CYLC2: variants seen among roughly 807,000 people sequenced by gnomAD.
CYLC2 encodes the protein cylicin 2.
In CYLC2, 30 loss-of-function variants were observed where a neutral mutation model predicts 26.1. That is an observed-to-expected ratio of 1.15 (90% CI 0.86 to 1.56). The LOEUF (loss-of-function observed/expected upper bound fraction) is 1.56, where lower values mean the gene tolerates loss of function less well. Ranked by LOEUF, CYLC2 falls within the 40% of genes most tolerant of loss-of-function variation. The probability of loss-of-function intolerance (pLI) is 0.00; values close to 1 mark genes in which losing one functional copy is unlikely to be tolerated. For missense variants in CYLC2, 498 were observed against 394.4 expected (o/e 1.26, Z -2.23); for synonymous variants, 158 against 132.8 (o/e 1.19, Z -1.31).
intron 6 of CYLC2, among the ~76,000 whole-genome samples, chr9:103,013,925 T>G (rs1829453161): frequency 1.1e-5 from 1 of 93,318 alleles, no homozygotes; most frequent in African/African-American, 4.0e-5. Flanking sequence ...ACATTATATA[T>G]CATATCTATT....
At position 102,998,339 on chromosome 9, in the gene CYLC2, CATATAA is replaced by C. The variant is rs144614972; in HGVS notation, c.17+2948_17+2953del. ...AAAATTGTGAAAATACATTTACATT[CATATAA>C]ATATATCTCAAAATAAAAATAAGGG... On this transcript the variant is annotated intron_variant, in intron 1 of 7. Transcript: ENST00000374798. Among the ~76,000 whole-genome samples the C allele has an allele frequency of 6.0e-3, 911 of 151,944 alleles. 8 individuals are homozygous for C. The highest frequency in any genetic ancestry group is 0.018 in the African/African-American group (726 of 41,458).
intron 6 of CYLC2, among the ~76,000 whole-genome samples, chr9:103,016,033 A>T (rs558587575): frequency 6.6e-6 from 1 of 151,434 alleles, no homozygotes; most frequent in East Asian, 1.9e-4. Context: ...GGATTTTGAT[A>T]GATAATTGGT....
intron 6 of CYLC2, among the ~76,000 whole-genome samples, chr9:103,015,688 C>T (rs1829497595): frequency 6.7e-6 from 1 of 148,740 alleles, no homozygotes; most frequent in Non-Finnish European, 1.5e-5. Context: ...TCGTTTTTGT[C>T]TATGACTAAT....
intron 5 of CYLC2, among the ~76,000 whole-genome samples, chr9:103,006,904 A>G (rs1190868413): frequency 6.6e-6 from 1 of 152,124 alleles, no homozygotes; most frequent in Non-Finnish European, 1.5e-5. Flanking sequence ...CAATGCTAAG[A>G]GAATGAACAT....
chr9:103,008,813 C>T (rs181429502), intron 5 of CYLC2, among the ~76,000 whole-genome samples: 6 of 152,258 alleles, frequency 3.9e-5, no homozygotes, highest in Non-Finnish European at 8.8e-5. Flanking sequence ...CCAAAGCCCT[C>T]TAAGTGCAGG....
chr9:103,005,760 GT>G lies in CYLC2; in HGVS notation c.*83del. ...ATAGTGGTAGTCTGCAGCTGAATTT[GT>G]GAGAAAACAAGAGGCCTCAAAGAAT... is the stretch of plus-strand genomic sequence containing the variant. On this transcript the variant is annotated 3_prime_UTR_variant, in exon 5 of 8. Coordinates refer to ENST00000374798, the MANE Select transcript of CYLC2 (RefSeq NM_001340.5). 6.9e-7 allele frequency: 1 copy of G among 1,447,942 alleles called. No homozygotes were observed. Among genetic ancestry groups the G allele is most frequent in the Non-Finnish European group, 9.3e-7 (1 of 1,075,846 alleles). The allele number at this position is 1,447,942 out of a possible 1,614,324, so 89.7% of individuals were successfully genotyped here.
At chr9:103,015,977 T>C (rs1052616082) in intron 6 of CYLC2, among the ~76,000 whole-genome samples, 8 of 150,242 alleles carry the variant, frequency 5.3e-5, no homozygotes, top group Middle Eastern at 3.3e-3. Flanking sequence ...TGTAAGTATA[T>C]ATACATACAT....
intron 7 of CYLC2, 80 bp downstream of exon 7, chr9:103,017,041 T>G (rs1446998861): frequency 1.0e-5 from 1 of 98,134 alleles, no homozygotes; most frequent in African/African-American, 3.5e-5. Context: ...AATTTAAAGG[T>G]TTTTTTTTTT....
intron 6 of CYLC2, among the ~76,000 whole-genome samples, chr9:103,014,280 C>A (rs1421354263): frequency 7.9e-6 from 1 of 126,930 alleles, no homozygotes; most frequent in Non-Finnish European, 1.6e-5. Flanking sequence ...AAATATATTA[C>A]ATAGTATACA....
At chr9:103,010,693 G>T (rs1829397521) in intron 5 of CYLC2, 1 of 151,932 alleles carries the variant, frequency 6.6e-6, no homozygotes, top group South Asian at 2.1e-4. Context: ...TATATTATTA[G>T]TTTAAAGATC....
chr9:103,010,378 T>G (rs1355296617), intron 5 of CYLC2, among the ~76,000 whole-genome samples: 4 of 152,144 alleles, frequency 2.6e-5, no homozygotes, highest in African/African-American at 7.2e-5. Context: ...AAATGACTAC[T>G]ATTTATTTAC....
intron 6 of CYLC2, among the ~76,000 whole-genome samples, chr9:103,013,840 A>G (rs1441506218): frequency 1.1e-5 from 1 of 92,296 alleles, no homozygotes; most frequent in African/African-American, 4.1e-5. Flanking sequence ...AATATATAAT[A>G]AAGATAATAC....
intron 5 of CYLC2, chr9:103,010,633 A>G (rs1372621259): frequency 1.3e-5 from 2 of 152,082 alleles, no homozygotes; most frequent in East Asian, 3.8e-4. Context: ...TTCATATCCT[A>G]TGTATCTTTA....
chr9:103,005,647 A>C lies in CYLC2; in HGVS notation c.1016A>C (p.Glu339Ala), dbSNP rs1455196431. Reference protein sequence around the residue: ...KDAKKNAKKDEKKDAKKKGK With the variant: ...KDAKKNAKKDAKKDAKKKGK ...GCAAAGAAGAATGCAAAGAAGGATGAAAAGAAGGATGCAAAGAAGAAGGGC... is the reference window on the plus strand; with the variant it reads ...GCAAAGAAGAATGCAAAGAAGGATGCAAAGAAGGATGCAAAGAAGAAGGGC... The change falls in exon 5 of 8, where the codon GAA becomes GCA. Residue 339 changes from glutamate to alanine, a missense_variant. Coordinates refer to ENST00000374798, the MANE Select transcript of CYLC2 (RefSeq NM_001340.5). 2.5e-6 allele frequency: 4 copies of C among 1,611,776 alleles called. No individual in the cohort carries two copies. The highest frequency in any genetic ancestry group is 2.7e-5 in the African/African-American group (2 of 74,606).
At chr9:103,017,815 G>A (rs2059322349) in intron 7 of CYLC2, among the ~76,000 whole-genome samples, 1 of 151,924 alleles carries the variant, frequency 6.6e-6, no homozygotes, top group South Asian at 2.1e-4. Flanking sequence ...TGGCAGCGTT[G>A]ATTTCTTCTC....
At chr9:103,001,410 C>T (rs967730873) in intron 1 of CYLC2, among the ~76,000 whole-genome samples, 168 bp from the exon 2 acceptor site, 2 of 151,740 alleles carry the variant, frequency 1.3e-5, no homozygotes, top group African/African-American at 2.4e-5. Flanking sequence ...AACACATTTG[C>T]TCATCTCTAT....
rs1320461240 is a variant in CYLC2 at position 103,005,436 on chromosome 9, A to C, written c.805A>C (p.Lys269Gln). The C allele has an allele frequency of 6.2e-7, 1 of 1,613,350 alleles. No individual in the cohort carries two copies. Among genetic ancestry groups the C allele is most frequent in the African/African-American group, 1.3e-5 (1 of 74,772 alleles). ...CAAGAAAGATGCAAAGGAGATTAAA[A>C]AAGGTAAGAAAGATAAGAAGAAGCC... ...DAKKDAKEIKKGKKDKKKPSS... is the reference protein window; with the variant it reads ...DAKKDAKEIKQGKKDKKKPSS... Residue 269 changes from lysine to glutamine, a missense_variant, in exon 5 of 8, where the codon AAA becomes CAA. Physicochemically the swap from Lys to Gln is moderately conservative, Grantham distance 53. Transcript: ENST00000374798.
chr9:103,015,919 G>A (rs1440840950), intron 6 of CYLC2, among the ~76,000 whole-genome samples: 1 of 149,718 alleles, frequency 6.7e-6, no homozygotes, highest in East Asian at 1.9e-4. Flanking sequence ...TTCCCATTAA[G>A]GCTCAGGTCT....
At chr9:103,004,872 T>C (rs1829323650) in intron 4 of CYLC2, 21 bp downstream of exon 4, 1 of 1,597,602 alleles carries the variant, frequency 6.3e-7, no homozygotes, top group East Asian at 2.2e-5. Context: ...CTTACTGTTT[T>C]TATAGTATCT....
Sources: allele counts gnomAD v4.1 joint callset (sites outside exome capture counted in the v4.1 genomes callset), GRCh38; gene constraint gnomAD v4.1.1; transcripts MANE v1.5; gene names NCBI Gene and HGNC (gene_info 2026-07-23, HGNC 2026-07-21).